Variants in PPP2R2A observed in about 807,000 individuals in gnomAD.
PPP2R2A encodes the protein protein phosphatase 2 regulatory subunit Balpha.
In PPP2R2A, 9 loss-of-function variants were observed where a neutral mutation model predicts 53.2. The observed-to-expected ratio is 0.17, with a 90% confidence interval of 0.10 to 0.30. The LOEUF (loss-of-function observed/expected upper bound fraction) is 0.30. Among genes scored for constraint, PPP2R2A ranks in the 10% least tolerant of loss-of-function variants. The pLI, the probability that PPP2R2A is intolerant of heterozygous loss-of-function variation, is 1.00. For missense variants in PPP2R2A, 235 were observed against 534.6 expected, an observed-to-expected ratio of 0.44 and a Z score of 5.53; for synonymous variants, 169 against 174.2, an observed-to-expected ratio of 0.97 and a Z score of 0.23.
At chr8:26,306,610 C>G (rs972592966) in intron 2 of PPP2R2A, among the ~76,000 whole-genome samples, 2 of 151,824 alleles carry the variant, frequency 1.3e-5, no homozygotes, top group Admixed American at 6.6e-5. Context: ...TTAATCAAAT[C>G]TAGTTTGTAC....
At chr8:26,344,080 T>A (rs564781448) in intron 3 of PPP2R2A, among the ~76,000 whole-genome samples, 3 of 152,224 alleles carry the variant, frequency 2.0e-5, no homozygotes, top group African/African-American at 7.2e-5. Flanking sequence ...AAGGAAGTGA[T>A]TCTTCACTGC....
chr8:26,314,898 C>G lies in PPP2R2A; in HGVS notation c.82+21158C>G, dbSNP rs955908504. On this transcript the variant is annotated intron_variant, in intron 2 of 9. Transcript: ENST00000380737. ...TCTTTTTTTTTCCCTTCCCCCCCCC[C>G]CCCCCAACTATTTTCCATTTCCTTT... Among the ~76,000 whole-genome samples, 454 of 146,758 alleles carry G rather than the reference C, an allele frequency of 3.1e-3. 18 individuals carry two copies. The highest frequency in any genetic ancestry group is 0.026 in the Admixed American group (384 of 14,748).
chr8:26,302,070 A>G (rs1482432134), intron 2 of PPP2R2A, among the ~76,000 whole-genome samples: 1 of 152,238 alleles, frequency 6.6e-6, no homozygotes, highest in Non-Finnish European at 1.5e-5. Context: ...CAAGGGGGTA[A>G]AGTGGTTGTC....
intron 3 of PPP2R2A, among the ~76,000 whole-genome samples, chr8:26,339,562 T>G (rs1803838823): frequency 1.3e-5 from 2 of 152,078 alleles, no homozygotes; most frequent in Non-Finnish European, 2.9e-5. Flanking sequence ...AAAGTGGGCT[T>G]TTGTTTTGTT....
intron 3 of PPP2R2A, among the ~76,000 whole-genome samples, chr8:26,349,142 CCTTT>C (rs1462302698): frequency 3.3e-5 from 5 of 152,068 alleles, no homozygotes; most frequent in Non-Finnish European, 5.9e-5. Flanking sequence ...TGTGACTTTG[CCTTT>C]CTGTCACTAA....
intron 2 of PPP2R2A, among the ~76,000 whole-genome samples, chr8:26,326,540 T>C (rs1803095802): frequency 6.6e-6 from 1 of 152,224 alleles, no homozygotes; most frequent in South Asian, 2.1e-4. Context: ...GATAGTGAAG[T>C]GCTTTCTGAT....
chr8:26,301,503 T>A (rs888784748), intron 2 of PPP2R2A, among the ~76,000 whole-genome samples: 3 of 152,042 alleles, frequency 2.0e-5, no homozygotes, highest in African/African-American at 7.2e-5. Flanking sequence ...CGGCTAGTTT[T>A]TAAAAATTTT....
At chr8:26,305,941 G>A (rs1480939760) in intron 2 of PPP2R2A, among the ~76,000 whole-genome samples, 1 of 152,130 alleles carries the variant, frequency 6.6e-6, no homozygotes, top group Non-Finnish European at 1.5e-5. Flanking sequence ...TCGTGAGTTG[G>A]AATTTTCCAA....
At chr8:26,314,635 G>A (rs1802450532) in intron 2 of PPP2R2A, among the ~76,000 whole-genome samples, 1 of 152,146 alleles carries the variant, frequency 6.6e-6, no homozygotes, top group Non-Finnish European at 1.5e-5. Flanking sequence ...GTTAGAATTT[G>A]GGAGGTGTTT....
chr8:26,341,678 G>T (rs1803949709), intron 3 of PPP2R2A, among the ~76,000 whole-genome samples: 1 of 152,090 alleles, frequency 6.6e-6, no homozygotes, highest in Non-Finnish European at 1.5e-5. Flanking sequence ...CTCTGATGAG[G>T]GTGCTAGCCT....
At chr8:26,294,947 A>G (rs1027787290) in intron 2 of PPP2R2A, among the ~76,000 whole-genome samples, 1 of 152,222 alleles carries the variant, frequency 6.6e-6, no homozygotes, top group Non-Finnish European at 1.5e-5. Flanking sequence ...GGTCATGCAC[A>G]TAGTGTAAAT....
intron 8 of PPP2R2A, chr8:26,365,835 G>A (rs1305257178): frequency 2.6e-5 from 4 of 152,376 alleles, no homozygotes; most frequent in East Asian, 1.9e-4. Context: ...GCATGGTTAC[G>A]CTATGCATAC....
At chr8:26,322,954 C>G (rs2117272157) in intron 2 of PPP2R2A, among the ~76,000 whole-genome samples, 1 of 152,296 alleles carries the variant, frequency 6.6e-6, no homozygotes, top group East Asian at 1.9e-4. Flanking sequence ...ATTCTCAGCC[C>G]TCTCTTGATC....
rs139723084 is a variant in PPP2R2A at position 26,370,203 on chromosome 8, C to T, written c.1134C>T (p.Thr378=). ...ACAGAAACACAAAGCGAGACATAAC[C>T]CTAGAAGCATCGCGGGAAAACAATA... is the stretch of plus-strand genomic sequence containing the variant. ...MFDRNTKRDI[T]LEASRENNKP... is the part of the protein sequence containing the mutation. Residue 378 remains threonine (T), a synonymous_variant, in exon 10 of 10, where the codon ACC becomes ACT. Transcript: ENST00000380737. The surrounding 1 kb of genome is among the most constrained non-coding windows in gnomAD (Gnocchi z 6.1). The T allele has an allele frequency of 3.3e-5, 53 of 1,614,044 alleles. No homozygotes were observed. The highest frequency in any genetic ancestry group is 4.2e-5 in the Non-Finnish European group (50 of 1,179,992).
intron 2 of PPP2R2A, among the ~76,000 whole-genome samples, chr8:26,307,824 T>C (rs574928473): frequency 6.6e-6 from 1 of 152,328 alleles, no homozygotes; most frequent in South Asian, 2.1e-4. Context: ...AATCAAGGCT[T>C]AGATAAAGTA....
At chr8:26,293,255 G>A in intron 1 of PPP2R2A, 3 of 1,535,778 alleles carry the variant, frequency 2.0e-6, no homozygotes, top group East Asian at 2.4e-5. Context: ...TAATGTTCCC[G>A]AAGTTTTCTC....
intron 2 of PPP2R2A, among the ~76,000 whole-genome samples, chr8:26,307,476 C>T (rs916163469): frequency 2.6e-5 from 4 of 152,180 alleles, no homozygotes; most frequent in African/African-American, 9.7e-5. Flanking sequence ...GTTCAGTAAA[C>T]ACGTAGGCCT....
At chr8:26,367,443 A>G (rs1585416666) in intron 9 of PPP2R2A, among the ~76,000 whole-genome samples, 1 of 152,180 alleles carries the variant, frequency 6.6e-6, no homozygotes, top group African/African-American at 2.4e-5. Flanking sequence ...GAAAAAAACG[A>G]TTTGTTTTCC....
At position 26,362,798 on chromosome 8, in the gene PPP2R2A, T is replaced by C; in HGVS notation, c.752T>C (p.Ile251Thr). 6.2e-7 allele frequency: 1 copy of C among 1,614,098 alleles called. No individual in the cohort carries two copies. Among genetic ancestry groups the C allele is most frequent in the Non-Finnish European group, 8.5e-7 (1 of 1,179,968 alleles). The change falls in exon 7 of 10, where the codon ATT becomes ACT. Residue 251 changes from isoleucine to threonine, a missense_variant. Physicochemically the swap from Ile to Thr is moderately conservative, Grantham distance 89. Coordinates refer to ENST00000380737, the MANE Select transcript of PPP2R2A (RefSeq NM_002717.4). This position sits in a 1 kb window ranked among gnomAD's most constrained non-coding sequence, Gnocchi z 4.4. Reference sequence around the variant, plus strand: ...GTATACAGCAGCAGTAAAGGAACTATTCGGCTATGTGACATGAGGGCATCT... The same window carrying C: ...GTATACAGCAGCAGTAAAGGAACTACTCGGCTATGTGACATGAGGGCATCT... Reference protein sequence around the residue: ...TFVYSSSKGTIRLCDMRASAL... With the variant: ...TFVYSSSKGTTRLCDMRASAL...
Sources: gnomAD v4.1 joint callset for allele counts (sites outside exome capture counted in the v4.1 genomes callset) on GRCh38, gnomAD v4.1.1 for gene constraint, Gnocchi (gnomAD v3.1) non-coding constraint, MANE v1.5 for transcripts, NCBI Gene and HGNC (gene_info 2026-07-23, HGNC 2026-07-21) for gene names.